EPHB1: variants seen among roughly 807,000 people sequenced by gnomAD.
EPHB1 encodes the protein ephrin type-B receptor 1.
EPHB1 carries 30 observed loss-of-function variants against 94.4 expected under a neutral mutation model. The observed-to-expected ratio is 0.32, with a 90% CI of 0.24 to 0.43. EPHB1 has a LOEUF of 0.43. Among genes scored for constraint, EPHB1 ranks in the 20% least tolerant of loss-of-function variants. The probability of loss-of-function intolerance (pLI) is 1.00; values close to 1 mark genes in which losing one functional copy is unlikely to be tolerated. For missense variants in EPHB1, 1,055 were observed against 1,308.3 expected (o/e 0.81, Z 2.99); for synonymous variants, 522 against 489.1 (o/e 1.07, Z -0.89).
intron 4 of EPHB1, 25 bp downstream of exon 4, chr3:135,106,628 G>T (rs751525117): frequency 6.2e-7 from 1 of 1,610,602 alleles, no homozygotes; most frequent in Non-Finnish European, 8.5e-7. Context: ...ATGGCTCTGG[G>T]CTGGGGAGTT....
At chr3:135,010,570 T>G (rs966682842) in intron 3 of EPHB1, among the ~76,000 whole-genome samples, 9 of 149,598 alleles carry the variant, frequency 6.0e-5, no homozygotes, top group African/African-American at 9.8e-5. Flanking sequence ...TTTTTTTTTT[T>G]TTTTTTTTTT....
At chr3:135,193,415 TA>T (rs1162424207) in intron 11 of EPHB1, among the ~76,000 whole-genome samples, 1 of 152,182 alleles carries the variant, frequency 6.6e-6, no homozygotes, top group East Asian at 1.9e-4. Flanking sequence ...GGGAGACCTG[TA>T]AAAGATCATT....
At chr3:135,078,473 GC>G (rs1287948325) in intron 3 of EPHB1, among the ~76,000 whole-genome samples, 1 of 152,212 alleles carries the variant, frequency 6.6e-6, no homozygotes, top group Non-Finnish European at 1.5e-5. Context: ...AGAAGCCTGG[GC>G]CAGCAGGTCT....
chr3:134,999,168 G>C (rs1403243540), intron 3 of EPHB1, among the ~76,000 whole-genome samples: 1 of 152,190 alleles, frequency 6.6e-6, no homozygotes, highest in South Asian at 2.1e-4. Flanking sequence ...GGAAGGCTGA[G>C]TGGGTTGAGA....
chr3:135,042,041 A>C (rs890420297), intron 3 of EPHB1, among the ~76,000 whole-genome samples: 8 of 152,124 alleles, frequency 5.3e-5, no homozygotes, highest in Admixed American at 2.0e-4. Context: ...CAGTCCTCCC[A>C]CCTCAGCCAC....
At chr3:135,098,349 T>C (rs888863792) in intron 3 of EPHB1, among the ~76,000 whole-genome samples, 1 of 152,188 alleles carries the variant, frequency 6.6e-6, no homozygotes, top group Non-Finnish European at 1.5e-5. Context: ...TGAGTGTGTG[T>C]GTGTGTGTGT....
chr3:135,111,374 A>G (rs1321266555), intron 4 of EPHB1, among the ~76,000 whole-genome samples: 2 of 152,168 alleles, frequency 1.3e-5, no homozygotes, highest in Non-Finnish European at 2.9e-5. Context: ...AAAGTTTGGA[A>G]ACATTGCTTT....
intron 1 of EPHB1, among the ~76,000 whole-genome samples, chr3:134,870,179 G>A (rs1475093890): frequency 6.6e-6 from 1 of 152,146 alleles, no homozygotes; most frequent in African/African-American, 2.4e-5. Flanking sequence ...GGTGAGATCA[G>A]GCCTTCCTGA....
intron 15 of EPHB1, among the ~76,000 whole-genome samples, chr3:135,250,154 G>GTACTT (rs2107732257): frequency 6.6e-6 from 1 of 152,222 alleles, no homozygotes; most frequent in Non-Finnish European, 1.5e-5. Flanking sequence ...GAAATATTGT[G>GTACTT]TACTTTATCA....
chr3:134,822,968 A>G (rs1047431171), intron 1 of EPHB1, among the ~76,000 whole-genome samples: 1 of 152,054 alleles, frequency 6.6e-6, no homozygotes, highest in Non-Finnish European at 1.5e-5. Context: ...TGATTTTCCT[A>G]TCTGTCAAAT....
chr3:135,226,147 C>T (rs1943392852), intron 12 of EPHB1, among the ~76,000 whole-genome samples: 1 of 152,230 alleles, frequency 6.6e-6, no homozygotes, highest in Non-Finnish European at 1.5e-5. Flanking sequence ...GGATTGGGGA[C>T]AGCTGTGGGC....
chr3:135,234,941 G>A (rs1943613794), intron 12 of EPHB1, among the ~76,000 whole-genome samples: 6 of 152,122 alleles, frequency 3.9e-5, no homozygotes. Context: ...CATATCACTT[G>A]CCATGCAAAC....
chr3:134,840,927 G>A (rs1464964569), intron 1 of EPHB1, among the ~76,000 whole-genome samples: 6 of 152,182 alleles, frequency 3.9e-5, no homozygotes, highest in African/African-American at 7.2e-5. Context: ...TTGGCTCATC[G>A]CTGTTAACAG....
At chr3:134,988,604 TC>T (rs1327215964) in intron 3 of EPHB1, among the ~76,000 whole-genome samples, 2 of 152,108 alleles carry the variant, frequency 1.3e-5, no homozygotes, top group African/African-American at 4.8e-5. Context: ...TCCTCCTCCT[TC>T]CCCATTTATT....
Position 134,798,033 on chromosome 3 carries a change from G to A in EPHB1, c.58+2344G>A, listed in dbSNP as rs552499779. Among the ~76,000 whole-genome samples the A allele has an allele frequency of 4.6e-5, 7 of 152,318 alleles. No homozygotes were observed. The East Asian group carries it at 7.7e-4, about 17-fold the overall frequency. Reference sequence around the variant, plus strand: ...GCGTTATTTGGTTCGTGATGAGTGAGTAATAGTGATCAGAAAGTGGATCAA... The same window carrying A: ...GCGTTATTTGGTTCGTGATGAGTGAATAATAGTGATCAGAAAGTGGATCAA... On this transcript the variant is annotated intron_variant, in intron 1 of 15. Transcript: ENST00000398015.
At chr3:134,921,062 C>T (rs990655534) in intron 1 of EPHB1, among the ~76,000 whole-genome samples, 7 of 152,150 alleles carry the variant, frequency 4.6e-5, no homozygotes, top group African/African-American at 1.4e-4. Flanking sequence ...TGCTAGGTTT[C>T]TTATGCATCT....
chr3:135,201,019 C>A (rs1320696010), intron 11 of EPHB1, among the ~76,000 whole-genome samples: 1 of 152,092 alleles, frequency 6.6e-6, no homozygotes, highest in Non-Finnish European at 1.5e-5. Context: ...AGTAGCTGAT[C>A]CCAGGCGGTC....
chr3:135,094,722 A>G (rs970570558), intron 3 of EPHB1, among the ~76,000 whole-genome samples: 2 of 151,930 alleles, frequency 1.3e-5, no homozygotes, highest in Non-Finnish European at 2.9e-5. Flanking sequence ...GCAGCATCGT[A>G]CCTTTCCTGA....
At chr3:134,878,728 C>T (rs1445498794) in intron 1 of EPHB1, among the ~76,000 whole-genome samples, 1 of 152,236 alleles carries the variant, frequency 6.6e-6, no homozygotes, top group Non-Finnish European at 1.5e-5. Context: ...TCTGTTCACA[C>T]ACCAACCACC....
Sources: gnomAD v4.1 joint callset for allele counts (sites outside exome capture counted in the v4.1 genomes callset) on GRCh38, gnomAD v4.1.1 for gene constraint, MANE v1.5 for transcripts, NCBI Gene and HGNC (gene_info 2026-07-23, HGNC 2026-07-21) for gene names.